The following APP variants were observed in gnomAD, a reference collection of about 807,000 sequenced individuals.
The protein encoded by APP is amyloid-beta precursor protein.
A neutral mutation model predicts 101.4 loss-of-function variants in APP; 31 were observed. The observed-to-expected ratio is 0.31, with a 90% CI of 0.23 to 0.41. The LOEUF (loss-of-function observed/expected upper bound fraction) is 0.41. APP is among the 10% of genes least tolerant of loss of function. The pLI is 1.00. For missense variants in APP, 839 were observed against 1,003.7 expected (o/e 0.84, Z 2.22); for synonymous variants, 366 against 364.4 (o/e 1.00, Z -0.05).
chr21:26,043,262 G>A (rs566571148), intron 5 of APP, among the ~76,000 whole-genome samples: 1 of 151,728 alleles, frequency 6.6e-6, no homozygotes, highest in South Asian at 2.1e-4. Flanking sequence ...TTGAGACAGA[G>A]TCTTGCTCTG....
intron 6 of APP, among the ~76,000 whole-genome samples, chr21:26,021,022 A>G (rs1405156682): frequency 6.6e-6 from 1 of 151,788 alleles, no homozygotes; most frequent in Non-Finnish European, 1.5e-5. Context: ...TTCATAGCAT[A>G]AAATAATGCG....
intron 6 of APP, among the ~76,000 whole-genome samples, chr21:26,006,430 C>T (rs935943261): frequency 2.6e-5 from 4 of 152,210 alleles, no homozygotes; most frequent in African/African-American, 9.6e-5. Flanking sequence ...AAATCATGTG[C>T]TTCTAATAAA....
intron 9 of APP, among the ~76,000 whole-genome samples, chr21:25,980,968 G>T (rs2042409363): frequency 1.3e-5 from 2 of 152,282 alleles, no homozygotes; most frequent in African/African-American, 4.8e-5. Context: ...GGCGGGTTTA[G>T]GACTGATTAG....
rs897095962 is a variant in APP, at chr21:25,928,328, C to A, written c.1688-16366G>T. On this transcript the variant is annotated intron_variant, in intron 13 of 17. Coordinates refer to ENST00000346798, the MANE Select transcript of APP (RefSeq NM_000484.4). Reference sequence around the variant, plus strand: ...CTGCACTCCAGCCTGGGCGACAGAGCGAGACTCCATCTCAAAACAAACAAA... The same window carrying A: ...CTGCACTCCAGCCTGGGCGACAGAGAGAGACTCCATCTCAAAACAAACAAA... Among the ~76,000 whole-genome samples, 8 of 143,818 alleles carry A rather than the reference C, an allele frequency of 5.6e-5. No individual in the cohort carries two copies. The South Asian group carries it at 1.8e-3, about 32-fold the overall frequency. The allele number at this position is 143,818 out of a possible 152,430, so 94.4% of individuals were successfully genotyped here.
chr21:26,109,974 CAG>C (rs1208975780), intron 2 of APP, among the ~76,000 whole-genome samples: 2 of 152,142 alleles, frequency 1.3e-5, no homozygotes, highest in Non-Finnish European at 2.9e-5. Context: ...TAAGTATGCA[CAG>C]AGTTCTGATT....
chr21:26,137,501 CA>C (rs1225098725), intron 1 of APP, among the ~76,000 whole-genome samples: 4 of 151,990 alleles, frequency 2.6e-5, no homozygotes, highest in Non-Finnish European at 5.9e-5. Context: ...TGTTACAAAA[CA>C]AGTGGGTTGG....
Position 26,136,207 on chromosome 21 carries a change from A to AAAG in APP, c.58-24062_58-24061insCTT, listed in dbSNP as rs1273283293. Among the ~76,000 whole-genome samples, 200 of 137,490 alleles carry AAAG rather than the reference A, an allele frequency of 1.5e-3. 4 individuals are homozygous for AAAG. Among genetic ancestry groups the AAAG allele is most frequent in the African/African-American group, 5.3e-3 (181 of 33,896 alleles). 90.2% of individuals were successfully genotyped at this position (137,490 alleles called of 152,430 possible). ...AAAGAAAGAAAGAAAGAAAGAAAAGAAAAGAAAGAAAAGAAATAGTTTTGT... is the reference window on the plus strand; with the variant it reads ...AAAGAAAGAAAGAAAGAAAGAAAAGAAAGAAAGAAAGAAAAGAAATAGTTTTGT... On this transcript the variant is annotated intron_variant, in intron 1 of 17. Coordinates refer to ENST00000346798, the MANE Select transcript of APP (RefSeq NM_000484.4).
At chr21:26,161,838 A>G (rs558478232) in intron 1 of APP, among the ~76,000 whole-genome samples, 8 of 152,296 alleles carry the variant, frequency 5.3e-5, no homozygotes, top group African/African-American at 1.9e-4. Flanking sequence ...TTTTAATGTT[A>G]GTCTCTGAAG....
At chr21:26,002,584 C>T (rs1162224899) in intron 6 of APP, among the ~76,000 whole-genome samples, 1 of 152,214 alleles carries the variant, frequency 6.6e-6, no homozygotes, top group Non-Finnish European at 1.5e-5. Context: ...AGTGTTAATT[C>T]CAATAAGACT....
intron 1 of APP, among the ~76,000 whole-genome samples, chr21:26,120,246 T>C (rs1194696412): frequency 6.6e-6 from 1 of 152,194 alleles, no homozygotes; most frequent in Non-Finnish European, 1.5e-5. Flanking sequence ...AAGGCATAGA[T>C]TGTTTCAGAA....
intron 2 of APP, among the ~76,000 whole-genome samples, chr21:26,099,275 G>C (rs1350377404): frequency 1.3e-5 from 2 of 151,880 alleles, no homozygotes; most frequent in Non-Finnish European, 2.9e-5. Flanking sequence ...AATTGTTTCA[G>C]AGATAGCCTA....
intron 3 of APP, among the ~76,000 whole-genome samples, chr21:26,075,896 T>A (rs1054023957): frequency 1.3e-5 from 2 of 152,126 alleles, no homozygotes; most frequent in Admixed American, 6.6e-5. Context: ...ATTTATTTAT[T>A]GTTTAATTTT....
intron 1 of APP, among the ~76,000 whole-genome samples, chr21:26,135,924 A>G (rs1252795030): frequency 6.6e-6 from 1 of 151,790 alleles, no homozygotes; most frequent in Non-Finnish European, 1.5e-5. Flanking sequence ...ACGAGGTCAG[A>G]AGTTCGAGAC....
At chr21:26,061,733 C>T (rs1033382185) in intron 3 of APP, among the ~76,000 whole-genome samples, 4 of 152,180 alleles carry the variant, frequency 2.6e-5, no homozygotes, top group Non-Finnish European at 4.4e-5. Context: ...TGAGAACTGA[C>T]AGATGGGATT....
chr21:26,097,118 C>G (rs45590934), intron 2 of APP, among the ~76,000 whole-genome samples: 2 of 152,148 alleles, frequency 1.3e-5, no homozygotes, highest in Admixed American at 1.3e-4. Flanking sequence ...AAGAAAAAGG[C>G]CCGGCTTGCA....
intron 3 of APP, among the ~76,000 whole-genome samples, chr21:26,053,966 T>C (rs1466830794): frequency 6.6e-6 from 1 of 152,208 alleles, no homozygotes; most frequent in Non-Finnish European, 1.5e-5. Flanking sequence ...ATTTCTGGTA[T>C]TGAAGATATA....
intron 13 of APP, among the ~76,000 whole-genome samples, chr21:25,925,378 A>G (rs936041649): frequency 6.6e-6 from 1 of 152,154 alleles, no homozygotes; most frequent in African/African-American, 2.4e-5. Flanking sequence ...GGCTGGTTCC[A>G]TGGTTCTTGC....
chr21:25,982,528 G>C, intron 8 of APP, 51 bp from the exon 9 acceptor site: 1 of 1,570,850 alleles, frequency 6.4e-7, no homozygotes, highest in South Asian at 1.1e-5. Flanking sequence ...AACAACAACA[G>C]AATAATCCAC....
chr21:26,089,280 T>C (rs371339158), intron 3 of APP, among the ~76,000 whole-genome samples: 1 of 152,162 alleles, frequency 6.6e-6, no homozygotes, highest in Non-Finnish European at 1.5e-5. Flanking sequence ...AGATTAAATA[T>C]GGAGTATGAC....
Sources: allele counts gnomAD v4.1 joint callset (sites outside exome capture counted in the v4.1 genomes callset), GRCh38; gene constraint gnomAD v4.1.1; transcripts MANE v1.5; gene names NCBI Gene and HGNC (gene_info 2026-07-23, HGNC 2026-07-21).